Variants in ARMH3 observed in about 807,000 individuals in gnomAD.
ARMH3 encodes the protein armadillo like helical domain containing 3.
In ARMH3, 60 loss-of-function variants were observed where a neutral mutation model predicts 99.1. The observed-to-expected ratio is 0.61, with a 90% CI of 0.49 to 0.75. The LOEUF is 0.75. Among genes scored for constraint, ARMH3 ranks in the 30% least tolerant of loss-of-function variants. The pLI is 0.00. For missense variants in ARMH3, 679 were observed against 843.1 expected, an observed-to-expected ratio of 0.81 and a Z score of 2.41; for synonymous variants, 285 against 292.8, an observed-to-expected ratio of 0.97 and a Z score of 0.27.
At chr10:102,027,220 A>G (rs2067019473) in intron 5 of ARMH3, among the ~76,000 whole-genome samples, 1 of 150,164 alleles carries the variant, frequency 6.7e-6, no homozygotes, top group African/African-American at 2.5e-5. Context: ...GGGAGGTTGC[A>G]GTGAGCCGAG....
chr10:101,994,140 A>C (rs1846945518), intron 16 of ARMH3, among the ~76,000 whole-genome samples: 1 of 151,902 alleles, frequency 6.6e-6, no homozygotes, highest in African/African-American at 2.4e-5. Flanking sequence ...AAAATCAAAA[A>C]CCTCTTACCA....
chr10:101,959,123 T>C (rs1845169461), intron 20 of ARMH3, among the ~76,000 whole-genome samples: 1 of 152,208 alleles, frequency 6.6e-6, no homozygotes, highest in Non-Finnish European at 1.5e-5. Flanking sequence ...CTTTTAATGG[T>C]GTCTGTTAAG....
chr10:102,026,804 C>T (rs1319384191), intron 5 of ARMH3, among the ~76,000 whole-genome samples: 1 of 152,150 alleles, frequency 6.6e-6, no homozygotes, highest in African/African-American at 2.4e-5. Context: ...AAGATATATA[C>T]ACTAATGCCA....
intron 1 of ARMH3, among the ~76,000 whole-genome samples, chr10:102,052,276 T>C (rs1176711025): frequency 6.6e-6 from 1 of 152,086 alleles, no homozygotes; most frequent in Non-Finnish European, 1.5e-5. Context: ...CAAGCTGGAA[T>C]GCAGTGGCAC....
At chr10:102,003,406 C>T (rs758552673) in intron 14 of ARMH3, among the ~76,000 whole-genome samples, 17 of 152,186 alleles carry the variant, frequency 1.1e-4, no homozygotes, top group Admixed American at 2.6e-4. Flanking sequence ...AAGCAATCCA[C>T]CCACCTCGGG....
At chr10:101,935,174 AAT>A (rs5787448) in intron 23 of ARMH3, among the ~76,000 whole-genome samples, 46,542 of 117,088 alleles carry the variant, frequency 0.4, 10,060 homozygotes, top group African/African-American at 0.61. Flanking sequence ...AAGGTGGAGC[AAT>A]ATATATATAT....
chr10:102,030,728 A>T (rs1348308720), intron 4 of ARMH3, among the ~76,000 whole-genome samples: 1 of 151,446 alleles, frequency 6.6e-6, no homozygotes, highest in Non-Finnish European at 1.5e-5. Context: ...TAATAATAAT[A>T]ATAATTTTGG....
intron 24 of ARMH3, among the ~76,000 whole-genome samples, chr10:101,855,781 A>G (rs2066725187): frequency 6.8e-6 from 1 of 147,756 alleles, no homozygotes; most frequent in Non-Finnish European, 1.5e-5. Flanking sequence ...TATATTATAT[A>G]TATATAAAGA....
chr10:101,862,767 G>A (rs2066903550), intron 24 of ARMH3, among the ~76,000 whole-genome samples: 1 of 152,020 alleles, frequency 6.6e-6, no homozygotes, highest in South Asian at 2.1e-4. Context: ...ACAATGAGTG[G>A]ATGGGAAAAA....
At chr10:101,904,254 G>C in intron 23 of ARMH3, among the ~76,000 whole-genome samples, 1 of 152,194 alleles carries the variant, frequency 6.6e-6, no homozygotes, top group Non-Finnish European at 1.5e-5. Context: ...ATGCCACGAA[G>C]AGCCTGAGCA....
chr10:101,928,906 T>A (rs1438062646), intron 23 of ARMH3, among the ~76,000 whole-genome samples: 3 of 152,124 alleles, frequency 2.0e-5, no homozygotes, highest in Admixed American at 6.6e-5. Context: ...AATTTTCGTA[T>A]TTTTAGTAGA....
At chr10:101,941,618 T>C (rs963142865) in intron 22 of ARMH3, among the ~76,000 whole-genome samples, 3 of 152,178 alleles carry the variant, frequency 2.0e-5, no homozygotes, top group Non-Finnish European at 2.9e-5. Flanking sequence ...TGCAATTTAA[T>C]GAAAAAGAAG....
chr10:101,971,500 G>A (rs1487295216), intron 20 of ARMH3, among the ~76,000 whole-genome samples: 3 of 151,918 alleles, frequency 2.0e-5, no homozygotes, highest in African/African-American at 4.8e-5. Flanking sequence ...GTTTGAACCC[G>A]CAATCACACC....
rs932201678 is a variant in ARMH3, at chr10:101,860,874, C to T, written c.1861-10982G>A. ...CCAAATGAAGATTTCAAAAATGTGT[C>T]AGAAGGATTGTACTACTCCATAAAT... On this transcript the variant is annotated intron_variant, in intron 24 of 25. Transcript: ENST00000370033. Among the ~76,000 whole-genome samples the T allele has an allele frequency of 1.2e-4, 19 of 152,286 alleles. 1 individual carries two copies. Among genetic ancestry groups the T allele is most frequent in the Middle Eastern group, 6.8e-3 (2 of 294 alleles).
chr10:101,891,200 CT>C (rs879870237), intron 23 of ARMH3, among the ~76,000 whole-genome samples: 174 of 142,058 alleles, frequency 1.2e-3, no homozygotes, highest in Non-Finnish European at 1.2e-3. Flanking sequence ...TTCTTTCTTC[CT>C]TTTTTTTTTT....
Position 101,932,156 on chromosome 10 carries a change from C to T in ARMH3, c.1781+7707G>A, listed in dbSNP as rs1843747524. Among the ~76,000 whole-genome samples, 4 of 152,270 alleles carry T rather than the reference C, an allele frequency of 2.6e-5. No individual in the cohort carries two copies. In the South Asian group the frequency reaches 8.3e-4, roughly 32 times the overall value. On this transcript the variant is annotated intron_variant, in intron 23 of 25. Coordinates refer to ENST00000370033, the MANE Select transcript of ARMH3 (RefSeq NM_024541.3). Reference sequence around the variant, plus strand: ...TGGCCAATAAGCATATAAAAAGATGCTCAACATCACTAGTTATTTAAAAAA... The same window carrying T: ...TGGCCAATAAGCATATAAAAAGATGTTCAACATCACTAGTTATTTAAAAAA...
At chr10:101,934,846 CA>C (rs2135689145) in intron 23 of ARMH3, among the ~76,000 whole-genome samples, 1 of 152,186 alleles carries the variant, frequency 6.6e-6, no homozygotes, top group African/African-American at 2.4e-5. Context: ...TCCTAAAGTA[CA>C]AGACCTCACT....
intron 8 of ARMH3, among the ~76,000 whole-genome samples, chr10:102,020,599 T>G (rs1242722329): frequency 6.8e-6 from 1 of 146,616 alleles, no homozygotes; most frequent in Non-Finnish European, 1.5e-5. Flanking sequence ...GGCAGGAGAA[T>G]GGCGTGAACC....
At chr10:102,050,404 C>T (rs564298682) in intron 1 of ARMH3, among the ~76,000 whole-genome samples, 11 of 151,910 alleles carry the variant, frequency 7.2e-5, no homozygotes, top group African/African-American at 2.2e-4. Flanking sequence ...GCCGAGATCG[C>T]GCCACTGCAC....
Sources: allele counts gnomAD v4.1 joint callset (sites outside exome capture counted in the v4.1 genomes callset), GRCh38; gene constraint gnomAD v4.1.1; transcripts MANE v1.5; gene names NCBI Gene and HGNC (gene_info 2026-07-23, HGNC 2026-07-21).